ZEB2: variants seen among roughly 807,000 people sequenced by gnomAD.
ZEB2 encodes zinc finger E-box-binding homeobox 2.
Under a neutral mutation model 99.9 loss-of-function variants are expected in ZEB2, and 6 were observed. That is an observed-to-expected ratio of 0.06 (90% CI 0.03 to 0.12). The LOEUF is 0.12. Ranked by LOEUF, ZEB2 falls within the 10% of genes least tolerant of loss-of-function variation. ZEB2 has a pLI of 1.00. For missense variants in ZEB2, 969 were observed against 1,502.8 expected, an observed-to-expected ratio of 0.64 and a Z score of 5.87; for synonymous variants, 517 against 542.5, an observed-to-expected ratio of 0.95 and a Z score of 0.65.
intron 2 of ZEB2, chr2:144,494,357 T>C (rs1704730619): frequency 1.3e-5 from 2 of 152,186 alleles, no homozygotes; most frequent in South Asian, 4.1e-4. Flanking sequence ...GTGCAACCTA[T>C]GTGAAAATCA....
chr2:144,392,965 T>C (rs1215835894), intron 9 of ZEB2, among the ~76,000 whole-genome samples: 2 of 152,348 alleles, frequency 1.3e-5, no homozygotes, highest in East Asian at 3.9e-4. Flanking sequence ...GTAAATTTAT[T>C]TAAAACTTAG....
chr2:144,496,783 C>G (rs1704766339), intron 2 of ZEB2: 1 of 152,184 alleles, frequency 6.6e-6, no homozygotes, highest in African/African-American at 2.4e-5. Context: ...AAATTCTTAG[C>G]ACGGGTCCCA....
intron 2 of ZEB2, among the ~76,000 whole-genome samples, chr2:144,515,336 T>G (rs1705114817): frequency 6.6e-6 from 1 of 152,044 alleles, no homozygotes; most frequent in Admixed American, 6.6e-5. Flanking sequence ...AGACATTGAT[T>G]TTAGAAAATC....
At chr2:144,414,301 T>C (rs951837089) in intron 4 of ZEB2, among the ~76,000 whole-genome samples, 1 of 152,210 alleles carries the variant, frequency 6.6e-6, no homozygotes, top group Non-Finnish European at 1.5e-5. Context: ...ACTGGCTATA[T>C]GGTTGGTGGG....
At chr2:144,460,907 C>T (rs923169616) in intron 2 of ZEB2, among the ~76,000 whole-genome samples, 5 of 152,044 alleles carry the variant, frequency 3.3e-5, no homozygotes, top group Admixed American at 3.3e-4. Context: ...GAACATGCTA[C>T]TTTGTTTGAT....
chr2:144,517,711 T>A, intron 1 of ZEB2: 1 of 701,534 alleles, frequency 1.4e-6, no homozygotes, highest in Non-Finnish European at 2.6e-6. Flanking sequence ...CACACGGCGG[T>A]ACAGTAAGAC....
At chr2:144,427,828 C>T (rs1703709307) in intron 3 of ZEB2, 1 of 152,004 alleles carries the variant, frequency 6.6e-6, no homozygotes, top group African/African-American at 2.4e-5. Context: ...GTTTATTTAC[C>T]ATAAAGGTAA....
intron 4 of ZEB2, among the ~76,000 whole-genome samples, chr2:144,412,098 C>G (rs1229181939): frequency 6.6e-6 from 1 of 152,164 alleles, no homozygotes; most frequent in African/African-American, 2.4e-5. Context: ...GGAGAAACAC[C>G]ATCTCTACTA....
chr2:144,484,606 C>A (rs933197405), intron 2 of ZEB2, among the ~76,000 whole-genome samples: 2 of 152,090 alleles, frequency 1.3e-5, no homozygotes, highest in African/African-American at 4.8e-5. Flanking sequence ...GCTTGTGAAG[C>A]TAAAGGTGGT....
chr2:144,508,150 A>G (rs1156904584), intron 2 of ZEB2, among the ~76,000 whole-genome samples: 1 of 152,224 alleles, frequency 6.6e-6, no homozygotes, highest in Non-Finnish European at 1.5e-5. Flanking sequence ...TTGCCAAACA[A>G]CAGTCAATGC....
intron 4 of ZEB2, among the ~76,000 whole-genome samples, chr2:144,407,078 T>G (rs748196138): frequency 3.9e-5 from 6 of 152,170 alleles, no homozygotes; most frequent in Non-Finnish European, 7.3e-5. Flanking sequence ...AACACTAGAA[T>G]TCTAAAAAGA....
At chr2:144,470,103 C>G (rs1198929490) in intron 2 of ZEB2, among the ~76,000 whole-genome samples, 3 of 152,176 alleles carry the variant, frequency 2.0e-5, no homozygotes, top group Non-Finnish European at 4.4e-5. Flanking sequence ...ATTATATAAA[C>G]TAAACAGCTT....
chr2:144,450,216 A>G (rs1381251676), intron 2 of ZEB2: 2 of 152,082 alleles, frequency 1.3e-5, no homozygotes, highest in Non-Finnish European at 2.9e-5. Flanking sequence ...ATATAGAAGA[A>G]CTTGTCATAG....
intron 1 of ZEB2, chr2:144,518,676 C>T (rs1310151197): frequency 6.6e-6 from 1 of 152,158 alleles, no homozygotes; most frequent in East Asian, 1.9e-4. Flanking sequence ...TTTACCTAGG[C>T]ATACATAGTA....
At chr2:144,421,844 T>C (rs920254274) in intron 4 of ZEB2, among the ~76,000 whole-genome samples, 2 of 152,196 alleles carry the variant, frequency 1.3e-5, no homozygotes, top group African/African-American at 4.8e-5. Context: ...CCCTGACTTC[T>C]TGGGTTTCAA....
intron 7 of ZEB2, 157 bp from the exon 8 acceptor site, chr2:144,400,427 T>C: frequency 1.2e-6 from 1 of 823,062 alleles, no homozygotes; most frequent in Admixed American, 2.5e-5. Context: ...CCATAACCAT[T>C]TCTGAACTTT....
Position 144,430,061 on chromosome 2 carries a change from C to T in ZEB2, c.74-35G>A, listed in dbSNP as rs751693679. 12 of 1,608,832 alleles carry T rather than the reference C, an allele frequency of 7.5e-6. No individual in the cohort carries two copies. In the South Asian group the frequency reaches 1.2e-4, roughly 16 times the overall value. On this transcript the variant is annotated intron_variant, in intron 2 of 9. Coordinates refer to ENST00000627532, the MANE Select transcript of ZEB2 (RefSeq NM_014795.4). Reference sequence around the variant, plus strand: ...AAGCACAAAACACACTCTCTAAACACTCTGTTGAGAAACATCAGCCACCCC... The same window carrying T: ...AAGCACAAAACACACTCTCTAAACATTCTGTTGAGAAACATCAGCCACCCC...
At chr2:144,440,515 A>ATATATATTTTTTT (rs1703899127) in intron 2 of ZEB2, among the ~76,000 whole-genome samples, 2 of 32,844 alleles carry the variant, frequency 6.1e-5, no homozygotes, top group African/African-American at 1.6e-4. Context: ...ATATATATAT[A>ATATATATTTTTTT]TTTTTTTTTT....
chr2:144,470,342 T>A (rs959741095), intron 2 of ZEB2: 4 of 152,140 alleles, frequency 2.6e-5, no homozygotes, highest in Admixed American at 6.6e-5. Context: ...AGAGATCACA[T>A]GAGAAAAAAT....
Sources: allele counts gnomAD v4.1 joint callset (sites outside exome capture counted in the v4.1 genomes callset), GRCh38; gene constraint gnomAD v4.1.1; transcripts MANE v1.5; gene names NCBI Gene and HGNC (gene_info 2026-07-23, HGNC 2026-07-21).